Variants in ELAC1 observed in about 807,000 individuals in gnomAD.
ELAC1 encodes the protein zinc phosphodiesterase ELAC protein 1.
In ELAC1, 19 loss-of-function variants were observed where a neutral mutation model predicts 25.8. The ratio of observed to expected loss-of-function variants is 0.74; its 90% CI spans 0.51 to 1.08. The LOEUF (loss-of-function observed/expected upper bound fraction) is 1.08, where lower values mean the gene tolerates loss of function less well. Ranked by LOEUF, ELAC1 falls within the 50% of genes least tolerant of loss-of-function variation. ELAC1 has a pLI of 0.00. For missense variants in ELAC1, 403 were observed against 434.6 expected (o/e 0.93, Z 0.65); for synonymous variants, 148 against 160.9 (o/e 0.92, Z 0.61).
At chr18:50,985,526 G>A (rs1908083816) in intron 3 of ELAC1, among the ~76,000 whole-genome samples, 2 of 152,248 alleles carry the variant, frequency 1.3e-5, no homozygotes, top group Non-Finnish European at 2.9e-5. Flanking sequence ...TTGTGAGGTA[G>A]AGTCCAGGTA....
At chr18:50,985,876 T>C (rs1199747526) in intron 3 of ELAC1, among the ~76,000 whole-genome samples, 2 of 152,188 alleles carry the variant, frequency 1.3e-5, no homozygotes, top group Non-Finnish European at 2.9e-5. Flanking sequence ...GAACTGCCCC[T>C]GTCTGCCAAG....
rs1333259659 is a variant in ELAC1, at chr18:50,968,089, C to G, written c.-34C>G. ...GGGTGCGGGCCTGCGCCTCCCTCGG[C>G]TCCTGGCGCGGGCCTCGGGGAGAGG... On this transcript the variant is annotated 5_prime_UTR_variant, in exon 1 of 4. Coordinates refer to ENST00000269466, the MANE Select transcript of ELAC1 (RefSeq NM_018696.3). The G allele has an allele frequency of 6.6e-6, 1 of 152,064 alleles. No homozygotes were observed. Among genetic ancestry groups the G allele is most frequent in the Admixed American group, 6.6e-5 (1 of 15,266 alleles). 9.4% of individuals were successfully genotyped at this position (152,064 alleles called of 1,614,324 possible). A position where few individuals can be genotyped will look rare whatever the true frequency, so the allele number is the denominator to read the frequency against.
rs1308798751 is a variant in ELAC1, at chr18:50,984,261, A to G, written c.323A>G (p.Glu108Gly). ...CGGGACTTTATCTGGCGAACCATGGAACTCTCTCACACGGAGCTGGTCTTC... is the reference window on the plus strand; with the variant it reads ...CGGGACTTTATCTGGCGAACCATGGGACTCTCTCACACGGAGCTGGTCTTC... ...GLRDFIWRTM[E>G]LSHTELVFHY... The change falls in exon 3 of 4, where the codon GAA (glutamate) becomes GGA (glycine). Residue 108 changes from glutamate (E) to glycine (G), a missense_variant. Glu to Gly is a moderately conservative substitution (Grantham distance 98). Coordinates refer to ENST00000269466, the MANE Select transcript of ELAC1 (RefSeq NM_018696.3). 1 of 1,614,068 alleles carries G rather than the reference A, an allele frequency of 6.2e-7. No homozygotes were observed. The highest frequency in any genetic ancestry group is 1.7e-5 in the Admixed American group (1 of 60,000).
Position 50,984,211 on chromosome 18 carries a change from T to C in ELAC1, c.273T>C (p.Ile91=), listed in dbSNP as rs766756420. The stretch of plus-strand genomic sequence containing the variant: ...GCTCCATGGTGTCCAAACAGCCTAT[T>C]GAAATCTATGGCCCTGTAGGGCTTC... The part of the protein sequence containing the change: ...QSGSMVSKQP[I]EIYGPVGLRD... The change falls in exon 3 of 4, where the codon ATT becomes ATC. Residue 91 remains isoleucine, a synonymous_variant. Transcript: ENST00000269466. 24 of 1,614,072 alleles carry C rather than the reference T, an allele frequency of 1.5e-5. 1 individual carries two copies. In the South Asian group the frequency reaches 2.5e-4, roughly 17 times the overall value.
intron 2 of ELAC1, among the ~76,000 whole-genome samples, chr18:50,983,606 T>C (rs991883411): frequency 2.0e-5 from 3 of 151,408 alleles, no homozygotes; most frequent in African/African-American, 7.3e-5. Flanking sequence ...CCCAGCACTT[T>C]GGGAGGCCAA....
Position 50,986,933 on chromosome 18 carries a change from T to C in ELAC1, c.940T>C (p.Phe314Leu). The change falls in exon 4 of 4, where the codon TTC becomes CTC. Residue 314 changes from phenylalanine (F) to leucine (L), a missense_variant. Phe to Leu is a conservative substitution (Grantham distance 22). Coordinates refer to ENST00000269466, the MANE Select transcript of ELAC1 (RefSeq NM_018696.3). ...CRAKRLVLTH[F>L]SQRYKPVALA... is the part of the protein sequence containing the mutation. ...TGCAAAGAGGCTGGTTCTGACTCACTTCAGTCAGAGGTACAAACCAGTTGC... is the reference window on the plus strand; with the variant it reads ...TGCAAAGAGGCTGGTTCTGACTCACCTCAGTCAGAGGTACAAACCAGTTGC... 1 of 1,613,966 alleles carries C rather than the reference T, an allele frequency of 6.2e-7. No individual in the cohort carries two copies. Among genetic ancestry groups the C allele is most frequent in the South Asian group, 1.1e-5 (1 of 91,044 alleles).
At chr18:50,978,623 G>A (rs8083246) in intron 2 of ELAC1, among the ~76,000 whole-genome samples, 491 of 152,246 alleles carry the variant, frequency 3.2e-3, no homozygotes, top group Middle Eastern at 6.8e-3. Context: ...TTTGGGTGGG[G>A]ACACAAACCA....
intron 2 of ELAC1, among the ~76,000 whole-genome samples, chr18:50,975,559 A>C (rs1907779469): frequency 6.6e-6 from 1 of 151,428 alleles, no homozygotes; most frequent in African/African-American, 2.4e-5. Flanking sequence ...GCATCTACTA[A>C]GTATATAAAT....
chr18:50,979,689 C>G (rs1907889866), intron 2 of ELAC1, among the ~76,000 whole-genome samples: 1 of 152,064 alleles, frequency 6.6e-6, no homozygotes, highest in Non-Finnish European at 1.5e-5. Context: ...AAGTATCCAC[C>G]ACAAGTATAT....
intron 3 of ELAC1, among the ~76,000 whole-genome samples, chr18:50,985,849 C>A (rs1908094227): frequency 6.6e-6 from 1 of 151,870 alleles, no homozygotes; most frequent in Non-Finnish European, 1.5e-5. Flanking sequence ...AGATTTAAGC[C>A]CACTTTGATA....
chr18:50,973,354 G>A (rs1046530250), intron 1 of ELAC1, among the ~76,000 whole-genome samples: 1 of 152,168 alleles, frequency 6.6e-6, no homozygotes, highest in African/African-American at 2.4e-5. Flanking sequence ...CATCTCAGAA[G>A]TATATCAGTG....
At chr18:50,983,082 C>T (rs932222955) in intron 2 of ELAC1, among the ~76,000 whole-genome samples, 3 of 144,522 alleles carry the variant, frequency 2.1e-5, no homozygotes, top group Non-Finnish European at 4.5e-5. Flanking sequence ...TTGCTAGATG[C>T]TTTTAATACT....
At chr18:50,973,368 T>C (rs887529063) in intron 1 of ELAC1, among the ~76,000 whole-genome samples, 1 of 152,192 alleles carries the variant, frequency 6.6e-6, no homozygotes, top group Non-Finnish European at 1.5e-5. Context: ...ATCAGTGATG[T>C]CAGATGTACC....
chr18:50,984,276 A>G lies in ELAC1; in HGVS notation c.338A>G (p.Glu113Gly). ...IWRTMELSHT[E>G]LVFHYVVHEL... Reference sequence around the variant, plus strand: ...CGAACCATGGAACTCTCTCACACGGAGCTGGTCTTCCATTATGTGGTTCAT... The same window carrying G: ...CGAACCATGGAACTCTCTCACACGGGGCTGGTCTTCCATTATGTGGTTCAT... The change falls in exon 3 of 4, where the codon GAG (glutamate) becomes GGG (glycine). Residue 113 changes from glutamate (E) to glycine (G), a missense_variant. Physicochemically the swap from Glu to Gly is moderately conservative, Grantham distance 98 (BLOSUM62 -2). Coordinates refer to ENST00000269466, the MANE Select transcript of ELAC1 (RefSeq NM_018696.3). 3 of 1,614,156 alleles carry G rather than the reference A, an allele frequency of 1.9e-6. No homozygotes were observed. Among genetic ancestry groups the G allele is most frequent in the Non-Finnish European group, 2.5e-6 (3 of 1,180,018 alleles).
chr18:50,972,408 G>T (rs1343727536), intron 1 of ELAC1, among the ~76,000 whole-genome samples: 1 of 152,076 alleles, frequency 6.6e-6, no homozygotes, highest in Non-Finnish European at 1.5e-5. Context: ...CCGATAGGTA[G>T]CTGGTTTATT....
At chr18:50,980,914 A>G (rs1907932929) in intron 2 of ELAC1, among the ~76,000 whole-genome samples, 1 of 152,112 alleles carries the variant, frequency 6.6e-6, no homozygotes, top group Non-Finnish European at 1.5e-5. Context: ...ATTTCTCTCC[A>G]TAACCTATTA....
At chr18:50,975,520 T>C (rs553735643) in intron 2 of ELAC1, among the ~76,000 whole-genome samples, 1 of 151,476 alleles carries the variant, frequency 6.6e-6, no homozygotes, top group South Asian at 2.1e-4. Flanking sequence ...ATATACCTAG[T>C]AGATGCCTAG....
At chr18:50,970,134 T>C (rs1268662450) in intron 1 of ELAC1, among the ~76,000 whole-genome samples, 1 of 152,186 alleles carries the variant, frequency 6.6e-6, no homozygotes, top group Non-Finnish European at 1.5e-5. Flanking sequence ...GCTAATTTTT[T>C]TATAGAGACA....
chr18:50,977,725 A>G (rs1342121021), intron 2 of ELAC1, among the ~76,000 whole-genome samples: 1 of 152,134 alleles, frequency 6.6e-6, no homozygotes, highest in Non-Finnish European at 1.5e-5. Context: ...AGAAAATAGG[A>G]TTTTCTTTTC....
Sources: gnomAD v4.1 joint callset for allele counts (sites outside exome capture counted in the v4.1 genomes callset) on GRCh38, gnomAD v4.1.1 for gene constraint, MANE v1.5 for transcripts, NCBI Gene and HGNC (gene_info 2026-07-23, HGNC 2026-07-21) for gene names.